Variants in GALNT7 observed in about 807,000 individuals in gnomAD.
GALNT7 encodes N-acetylgalactosaminyltransferase 7.
Under a neutral mutation model 82.1 loss-of-function variants are expected in GALNT7, and 60 were observed. The ratio of observed to expected loss-of-function variants is 0.73; its 90% CI spans 0.59 to 0.91. GALNT7 has a LOEUF of 0.91. Among genes scored for constraint, GALNT7 ranks in the 40% least tolerant of loss-of-function variants. The pLI is 0.00. For missense variants in GALNT7, 660 were observed against 804.2 expected (o/e 0.82, Z 2.17); for synonymous variants, 243 against 275.1 (o/e 0.88, Z 1.15).
chr4:173,242,948 T>C (rs1341003157), intron 1 of GALNT7, among the ~76,000 whole-genome samples: 4 of 152,360 alleles, frequency 2.6e-5, no homozygotes, highest in Non-Finnish European at 5.9e-5. Context: ...AATCACAGAA[T>C]GAAGTTTGGC....
chr4:173,216,716 T>TAA (rs1341687924), intron 1 of GALNT7, among the ~76,000 whole-genome samples: 758 of 25,808 alleles, frequency 0.029, 12 homozygotes, highest in East Asian at 0.086. Context: ...CATATATATA[T>TAA]ATATATATAT....
intron 1 of GALNT7, among the ~76,000 whole-genome samples, chr4:173,188,757 T>G (rs1732532374): frequency 6.6e-6 from 1 of 152,188 alleles, no homozygotes; most frequent in Non-Finnish European, 1.5e-5. Context: ...CAAGATCAGT[T>G]CAGGATCTAC....
chr4:173,289,089 A>G (rs1178682031), intron 2 of GALNT7, among the ~76,000 whole-genome samples: 1 of 152,074 alleles, frequency 6.6e-6, no homozygotes, highest in Non-Finnish European at 1.5e-5. Context: ...CGGGGACTGG[A>G]GATAATACTG....
chr4:173,313,666 A>G (rs73003367), intron 8 of GALNT7, among the ~76,000 whole-genome samples: 1,594 of 152,014 alleles, frequency 0.01, 25 homozygotes, highest in African/African-American at 0.036. Flanking sequence ...CTGAGATTCA[A>G]TTTATTCTTC....
intron 7 of GALNT7, 151 bp from the exon 8 acceptor site, chr4:173,303,845 A>G: frequency 1.5e-6 from 1 of 674,724 alleles, no homozygotes; most frequent in East Asian, 2.9e-5. Context: ...AGCTTTTAAA[A>G]GCAAATTATT....
At chr4:173,195,615 A>G (rs1161533924) in intron 1 of GALNT7, among the ~76,000 whole-genome samples, 1 of 152,216 alleles carries the variant, frequency 6.6e-6, no homozygotes, top group Admixed American at 6.5e-5. Flanking sequence ...TCCTGAAGGT[A>G]ATCTCTCAAA....
chr4:173,178,030 T>TG (rs1732111211), intron 1 of GALNT7, among the ~76,000 whole-genome samples: 2 of 117,096 alleles, frequency 1.7e-5, no homozygotes, highest in African/African-American at 7.3e-5. Context: ...TGTGTGTGTG[T>TG]GTGTGTGTGT....
rs546201525 is a variant in GALNT7, at chr4:173,233,661, A to G, written c.127-14319A>G. On this transcript the variant is annotated intron_variant, in intron 1 of 11. Transcript: ENST00000265000. ...TATCTGCACCAATTCCATCTTTCCT[A>G]TTACATCAGAGGGGTTGTCCGCCTC... Among the ~76,000 whole-genome samples the G allele has an allele frequency of 2.8e-4, 42 of 152,216 alleles. No homozygotes were observed. The South Asian group carries it at 6.6e-3, about 24-fold the overall frequency.
At chr4:173,289,104 G>A (rs1418369627) in intron 2 of GALNT7, among the ~76,000 whole-genome samples, 1 of 152,096 alleles carries the variant, frequency 6.6e-6, no homozygotes, top group Admixed American at 6.5e-5. Flanking sequence ...ATACTGAGGG[G>A]TAGCCCCAGC....
At chr4:173,221,804 C>T (rs1733652931) in intron 1 of GALNT7, among the ~76,000 whole-genome samples, 1 of 152,168 alleles carries the variant, frequency 6.6e-6, no homozygotes. Context: ...GACTTTATTA[C>T]ATAAACAAAG....
At chr4:173,288,419 G>T (rs1375151879) in intron 2 of GALNT7, among the ~76,000 whole-genome samples, 2 of 151,996 alleles carry the variant, frequency 1.3e-5, no homozygotes, top group Non-Finnish European at 2.9e-5. Flanking sequence ...GGAGGGAGGG[G>T]AATTGAGGAA....
chr4:173,175,646 A>G (rs1460856876), intron 1 of GALNT7, among the ~76,000 whole-genome samples: 1 of 152,238 alleles, frequency 6.6e-6, no homozygotes, highest in Non-Finnish European at 1.5e-5. Flanking sequence ...CAATGGGTTT[A>G]TCGGTGTGTA....
At chr4:173,182,698 C>T (rs975133406) in intron 1 of GALNT7, among the ~76,000 whole-genome samples, 2 of 101,136 alleles carry the variant, frequency 2.0e-5, no homozygotes, top group Admixed American at 1.1e-4. Flanking sequence ...ACACACACAG[C>T]GTGTTGCCCC....
intron 1 of GALNT7, among the ~76,000 whole-genome samples, chr4:173,195,395 G>A (rs1443137682): frequency 6.6e-6 from 1 of 152,072 alleles, no homozygotes; most frequent in East Asian, 1.9e-4. Flanking sequence ...AACAGTTCTC[G>A]GAGTCTAATG....
chr4:173,248,407 T>C lies in GALNT7; in HGVS notation c.554T>C (p.Leu185Pro). 2 of 1,612,122 alleles carry C rather than the reference T, an allele frequency of 1.2e-6. No individual in the cohort carries two copies. Among genetic ancestry groups the C allele is most frequent in the Non-Finnish European group, 8.5e-7 (1 of 1,179,000 alleles). ...FNMVASDMIS[L>P]DRSVNDLRQE... ...ATGGTGGCAAGTGACATGATCTCACTGGACCGCAGCGTCAATGACTTACGC... is the reference window on the plus strand; with the variant it reads ...ATGGTGGCAAGTGACATGATCTCACCGGACCGCAGCGTCAATGACTTACGC... Residue 185 changes from leucine to proline, a missense_variant, in exon 2 of 12, where the codon CTG (leucine) becomes CCG (proline). By Grantham distance (98) the Leu-to-Pro change is moderately conservative (BLOSUM62 -3). Around this residue, in one of 2 missense-constraint regions of GALNT7, gnomAD observed 527 missense variants for 683.5 expected, o/e 0.77. Coordinates refer to ENST00000265000, the MANE Select transcript of GALNT7 (RefSeq NM_017423.3).
chr4:173,291,121 A>G (rs868212345), intron 2 of GALNT7, among the ~76,000 whole-genome samples: 5 of 152,134 alleles, frequency 3.3e-5, no homozygotes, highest in Middle Eastern at 3.2e-3. Flanking sequence ...ATTTTCACCA[A>G]TTCTGGTGTC....
intron 6 of GALNT7, among the ~76,000 whole-genome samples, chr4:173,301,160 G>A (rs1736914621): frequency 6.6e-6 from 1 of 151,766 alleles, no homozygotes; most frequent in African/African-American, 2.4e-5. Flanking sequence ...TTTTTTCAAG[G>A]TAGAATCAAT....
chr4:173,309,425 C>T (rs1457407267), intron 8 of GALNT7, among the ~76,000 whole-genome samples: 2 of 152,164 alleles, frequency 1.3e-5, no homozygotes, highest in African/African-American at 4.8e-5. Context: ...ATGTTGGGGT[C>T]TCCCAGTTCT....
intron 1 of GALNT7, among the ~76,000 whole-genome samples, chr4:173,238,491 A>G (rs183163594): frequency 5.6e-4 from 86 of 152,334 alleles, no homozygotes; most frequent in Admixed American, 1.2e-3. Context: ...TGGACTGTTC[A>G]GTGGCATTCA....
Sources: allele counts gnomAD v4.1 joint callset (sites outside exome capture counted in the v4.1 genomes callset), GRCh38; gene constraint gnomAD v4.1.1; regional missense constraint gnomAD v4.1.1; transcripts MANE v1.5; gene names NCBI Gene and HGNC (gene_info 2026-07-23, HGNC 2026-07-21).